ZCCHC8: variants seen among roughly 807,000 people sequenced by gnomAD.
ZCCHC8 encodes zinc finger CCHC domain-containing protein 8.
ZCCHC8 carries 27 observed loss-of-function variants against 70.6 expected under a neutral mutation model. The ratio of observed to expected loss-of-function variants is 0.38; its 90% CI spans 0.28 to 0.53. The LOEUF (loss-of-function observed/expected upper bound fraction) is 0.53, where lower values mean the gene tolerates loss of function less well. Ranked by LOEUF, ZCCHC8 falls within the 20% of genes least tolerant of loss-of-function variation. ZCCHC8 has a pLI of 0.81. For missense variants in ZCCHC8, 737 were observed against 876.9 expected (o/e 0.84, Z 2.01); for synonymous variants, 293 against 317.4 (o/e 0.92, Z 0.82).
intron 5 of ZCCHC8, among the ~76,000 whole-genome samples, chr12:122,485,055 C>T (rs2078150005): frequency 6.6e-6 from 1 of 152,172 alleles, no homozygotes; most frequent in African/African-American, 2.4e-5. Context: ...GTGGTTCATC[C>T]TGACCCATGG....
At chr12:122,486,752 T>C (rs573713926) in intron 5 of ZCCHC8, among the ~76,000 whole-genome samples, 107 of 152,238 alleles carry the variant, frequency 7.0e-4, no homozygotes, top group African/African-American at 2.5e-3. Context: ...GTATTTTTAG[T>C]AGAGATGAGG....
At chr12:122,499,000 C>T in intron 1 of ZCCHC8, 131 bp from the exon 2 acceptor site, 1 of 847,002 alleles carries the variant, frequency 1.2e-6, no homozygotes. Flanking sequence ...GAGGATGACA[C>T]ACTTATTGAG....
intron 2 of ZCCHC8, among the ~76,000 whole-genome samples, chr12:122,497,495 T>C (rs1957844543): frequency 6.6e-6 from 1 of 151,946 alleles, no homozygotes; most frequent in Non-Finnish European, 1.5e-5. Flanking sequence ...TGAGCTGAGA[T>C]AGTACCACTG....
chr12:122,494,464 G>A (rs1333852107), intron 2 of ZCCHC8, among the ~76,000 whole-genome samples: 2 of 152,090 alleles, frequency 1.3e-5, no homozygotes, highest in African/African-American at 2.4e-5. Context: ...GGGAGGCTGA[G>A]GTGGAGAATT....
rs1214456708 is a variant in ZCCHC8 at position 122,500,871 on chromosome 12, C to T, written c.-31G>A. The T allele has an allele frequency of 6.5e-7, 1 of 1,549,824 alleles. No individual in the cohort carries two copies. The highest frequency in any genetic ancestry group is 8.7e-7 in the Non-Finnish European group (1 of 1,146,406). On this transcript the variant is annotated 5_prime_UTR_variant, in exon 1 of 14. Transcript: ENST00000633063. The surrounding 1 kb of genome is among the most constrained non-coding windows in gnomAD (Gnocchi z 4.8). ...GCTGTGGAAAAGATTCGAGAAGAGG[C>T]GGAGCCGGCCACCAGGGCTTGGGGA...
At chr12:122,488,819 C>T (rs928586013) in intron 5 of ZCCHC8, among the ~76,000 whole-genome samples, 6 of 148,650 alleles carry the variant, frequency 4.0e-5, no homozygotes, top group African/African-American at 1.0e-4. Flanking sequence ...TGCAGTGAGC[C>T]GAGATTGCAC....
intron 2 of ZCCHC8, among the ~76,000 whole-genome samples, chr12:122,497,574 T>C (rs1471115649): frequency 2.6e-5 from 4 of 152,120 alleles, no homozygotes; most frequent in African/African-American, 9.7e-5. Flanking sequence ...AAAAAGTGCA[T>C]GTGAAATTAC....
At position 122,480,210 on chromosome 12, in the gene ZCCHC8, T is replaced by C; in HGVS notation, c.1120A>G (p.Thr374Ala). 1 of 1,588,394 alleles carries C rather than the reference T, an allele frequency of 6.3e-7. No homozygotes were observed. The highest frequency in any genetic ancestry group is 8.6e-7 in the Non-Finnish European group (1 of 1,162,542). The change falls in exon 11 of 14, where the codon ACT (threonine) becomes GCT (alanine). Residue 374 changes from threonine (T) to alanine (A), a missense_variant. Thr to Ala is a moderately conservative substitution (Grantham distance 58, BLOSUM62 0). Transcript: ENST00000633063. The stretch of plus-strand genomic sequence containing the variant: ...CTTACGTCTGGAATTCCTCTGGGAG[T>C]AGATATATTAAAACCAGGATAGTTG... ...LVNYPGFNIS[T>A]PRGIPDEWRI...
intron 10 of ZCCHC8, 80 bp from the exon 11 acceptor site, chr12:122,480,391 GT>G (rs1391141758): frequency 1.6e-6 from 2 of 1,236,616 alleles, no homozygotes; most frequent in Admixed American, 6.6e-5. Context: ...CACCTGGAAA[GT>G]GCTTATAATC....
At chr12:122,491,878 G>A (rs962690059) in intron 3 of ZCCHC8, among the ~76,000 whole-genome samples, 8 of 151,894 alleles carry the variant, frequency 5.3e-5, no homozygotes, top group African/African-American at 9.7e-5. Context: ...GGTGAATGGT[G>A]CAGAAATGAG....
intron 5 of ZCCHC8, among the ~76,000 whole-genome samples, chr12:122,488,853 A>G (rs1957691153): frequency 6.7e-6 from 1 of 150,168 alleles, no homozygotes; most frequent in South Asian, 2.1e-4. Context: ...CCTGGACGAC[A>G]GGGCAAGACT....
At chr12:122,479,696 T>C (rs1159986500) in intron 11 of ZCCHC8, among the ~76,000 whole-genome samples, 2 of 152,176 alleles carry the variant, frequency 1.3e-5, no homozygotes, top group South Asian at 2.1e-4. Context: ...TTTGGCTCCC[T>C]TTCTGAGGGC....
intron 7 of ZCCHC8, 49 bp from the exon 8 acceptor site, chr12:122,482,744 AAG>A (rs1593319364): frequency 2.0e-6 from 3 of 1,505,018 alleles, no homozygotes; most frequent in Non-Finnish European, 2.7e-6. Context: ...AAAAATAGAA[AAG>A]CAAATCAATA....
chr12:122,495,660 C>T (rs1429925603), intron 2 of ZCCHC8, among the ~76,000 whole-genome samples: 1 of 151,856 alleles, frequency 6.6e-6, no homozygotes, highest in Non-Finnish European at 1.5e-5. Flanking sequence ...CCAGCCTGAC[C>T]AACATGGTGA....
intron 8 of ZCCHC8, 50 bp downstream of exon 8, chr12:122,482,585 C>A: frequency 6.9e-7 from 1 of 1,445,094 alleles, no homozygotes; most frequent in Non-Finnish European, 9.5e-7. Flanking sequence ...GTGTTGAAAA[C>A]ATTAGAAAGC....
In ZCCHC8 at chr12:122,500,326, C is replaced by T; in HGVS notation, c.199+316G>A. The T allele has an allele frequency of 3.1e-6, 1 of 323,834 alleles. No homozygotes were observed. The highest frequency in any genetic ancestry group is 5.7e-6 in the Non-Finnish European group (1 of 175,654). The allele number at this position is 323,834 out of a possible 1,614,324, so 20.1% of individuals were successfully genotyped here. A position where few individuals can be genotyped will look rare whatever the true frequency, so the allele number is the denominator to read the frequency against. ...CACCACGACCTCAAACAGAGGGGGGCAATTAAGGGCTTGTGTACAATCTGT... is the reference window on the plus strand; with the variant it reads ...CACCACGACCTCAAACAGAGGGGGGTAATTAAGGGCTTGTGTACAATCTGT... On this transcript the variant is annotated intron_variant, in intron 1 of 13. Coordinates refer to ENST00000633063, the MANE Select transcript of ZCCHC8 (RefSeq NM_017612.5). The surrounding 1 kb of genome is among the most constrained non-coding windows in gnomAD (Gnocchi z 4.8).
chr12:122,494,058 G>A (rs1219953755), intron 2 of ZCCHC8, among the ~76,000 whole-genome samples: 2 of 152,156 alleles, frequency 1.3e-5, no homozygotes, highest in Non-Finnish European at 2.9e-5. Flanking sequence ...ATATAAAAAA[G>A]TATACTATTC....
Position 122,498,853 on chromosome 12 carries a change from T to C in ZCCHC8, c.216A>G (p.Arg72=), listed in dbSNP as rs1412470798. ...QLRAENQELK[R]KLNILTRPSG... ...TCGGTCGAGTCAGAATGTTCAATTT[T>C]CGTTTAAGTTCTTGATGTTATTATT... Residue 72 remains arginine, a synonymous_variant, in exon 2 of 14, where the codon CGA becomes CGG. Transcript: ENST00000633063. 6.2e-7 allele frequency: 1 copy of C among 1,613,540 alleles called. No homozygotes were observed. The highest frequency in any genetic ancestry group is 1.1e-5 in the South Asian group (1 of 91,052).
chr12:122,481,326 A>C, intron 10 of ZCCHC8, 196 bp downstream of exon 10: 8 of 632,454 alleles, frequency 1.3e-5, no homozygotes, highest in Non-Finnish European at 2.0e-5. Context: ...AAGCCCAGAA[A>C]ACCATCAGAT....
Sources: allele counts gnomAD v4.1 joint callset (sites outside exome capture counted in the v4.1 genomes callset), GRCh38; gene constraint gnomAD v4.1.1; non-coding constraint Gnocchi (gnomAD v3.1); transcripts MANE v1.5; gene names NCBI Gene and HGNC (gene_info 2026-07-23, HGNC 2026-07-21).